Variants in ENKUR observed in about 807,000 individuals in gnomAD.
ENKUR encodes enkurin, TRPC channel interacting protein, also known as enkurin.
A neutral mutation model predicts 27.6 loss-of-function variants in ENKUR; 19 were observed. The observed-to-expected ratio is 0.69, with a 90% CI of 0.48 to 1.01. The LOEUF (loss-of-function observed/expected upper bound fraction) is 1.01, where lower values mean the gene tolerates loss of function less well. ENKUR is among the 50% of genes least tolerant of loss of function. The pLI, the probability that ENKUR is intolerant of heterozygous loss-of-function variation, is 0.00. For synonymous variants in ENKUR, 117 were observed against 96.9 expected (o/e 1.21, Z -1.22); for missense variants, 312 against 310.5 (o/e 1.00, Z -0.04).
rs1849855595 is a variant in ENKUR, at chr10:24,988,718, A to ATATATATG, written c.594+1744_594+1745insCATATATA. 6.1e-4 allele frequency among the ~76,000 whole-genome samples: 29 copies of ATATATATG among 47,706 alleles called. 3 individuals are homozygous for ATATATATG. Among genetic ancestry groups the ATATATATG allele is most frequent in the African/African-American group, 2.8e-3 (28 of 9,918 alleles). The allele number at this position is 47,706 out of a possible 152,430, so 31.3% of individuals were successfully genotyped here. On this transcript the variant is annotated intron_variant, in intron 4 of 5. Coordinates refer to ENST00000331161, the MANE Select transcript of ENKUR (RefSeq NM_145010.4). ...TATATATATATATATATATATATAT[A>ATATATATG]TATATATATTCCTCATTTTAAAAAT... is the stretch of plus-strand genomic sequence containing the variant.
intron 2 of ENKUR, among the ~76,000 whole-genome samples, chr10:25,033,898 G>T (rs1297446241): frequency 6.6e-6 from 1 of 151,124 alleles, no homozygotes; most frequent in Non-Finnish European, 1.5e-5. Context: ...TCTCTATCTG[G>T]ATGTGGACGT....
At chr10:25,000,517 G>A (rs1471711172) in intron 1 of ENKUR, among the ~76,000 whole-genome samples, 2 of 152,044 alleles carry the variant, frequency 1.3e-5, no homozygotes, top group African/African-American at 2.4e-5. Flanking sequence ...TAGCATTTAG[G>A]ATTGTTATAT....
At chr10:25,007,703 G>C (rs1214426980) in intron 1 of ENKUR, among the ~76,000 whole-genome samples, 2 of 152,040 alleles carry the variant, frequency 1.3e-5, no homozygotes, top group African/African-American at 4.8e-5. Flanking sequence ...CAAAGTGCTG[G>C]GATTACAGGC....
At chr10:25,033,877 TTGTC>T (rs375902303) in intron 2 of ENKUR, among the ~76,000 whole-genome samples, 5 of 151,560 alleles carry the variant, frequency 3.3e-5, no homozygotes, top group East Asian at 3.9e-4. Flanking sequence ...CAATCATCTA[TTGTC>T]TGTCTGTCTC....
chr10:25,006,543 G>A (rs574045740), intron 1 of ENKUR, among the ~76,000 whole-genome samples: 4 of 152,234 alleles, frequency 2.6e-5, no homozygotes, highest in South Asian at 4.1e-4. Flanking sequence ...TTAAGCAAAC[G>A]TGCATGATTG....
intron 2 of ENKUR, among the ~76,000 whole-genome samples, chr10:25,050,210 G>C (rs1009873270): frequency 2.6e-5 from 4 of 152,252 alleles, no homozygotes; most frequent in Middle Eastern, 3.4e-3. Context: ...CCACCACTGG[G>C]GATCATATTT....
At chr10:25,016,986 G>A (rs76554366), upstream of ENKUR, among the ~76,000 whole-genome samples, 5 of 152,252 alleles carry the variant, frequency 3.3e-5, no homozygotes, top group South Asian at 2.1e-4. Flanking sequence ...GTGCGCGCAC[G>A]GGGCCCGCGG....
chr10:25,050,456 G>C (rs987493174), intron 2 of ENKUR, among the ~76,000 whole-genome samples: 28 of 152,312 alleles, frequency 1.8e-4, no homozygotes, highest in African/African-American at 6.3e-4. Flanking sequence ...GCAGGCAAGA[G>C]AGCATGTGCA....
intron 2 of ENKUR, among the ~76,000 whole-genome samples, chr10:25,039,709 C>T (rs1851040980): frequency 6.6e-6 from 1 of 152,178 alleles, no homozygotes; most frequent in South Asian, 2.1e-4. Flanking sequence ...TGCTGCATGA[C>T]TATCACAAAA....
chr10:25,015,775 TA>T, intron 1 of ENKUR, 84 bp downstream of exon 1: 1 of 1,225,910 alleles, frequency 8.2e-7, no homozygotes, highest in Non-Finnish European at 1.1e-6. Context: ...TATTTATTAT[TA>T]AAAATTCCAG....
At chr10:25,045,245 CT>C (rs1246155686) in intron 2 of ENKUR, among the ~76,000 whole-genome samples, 3 of 152,104 alleles carry the variant, frequency 2.0e-5, no homozygotes, top group Non-Finnish European at 4.4e-5. Context: ...TTATCTGAAG[CT>C]GGTAGAATGG....
upstream of ENKUR, among the ~76,000 whole-genome samples, chr10:25,018,538 A>G (rs551222558): frequency 2.5e-4 from 38 of 152,346 alleles, no homozygotes; most frequent in African/African-American, 8.9e-4. Flanking sequence ...TTGTGCTTCA[A>G]AGAAACTTGA....
intron 2 of ENKUR, among the ~76,000 whole-genome samples, chr10:25,027,519 CAA>C (rs1213848417): frequency 6.4e-5 from 8 of 124,432 alleles, no homozygotes; most frequent in African/African-American, 1.3e-4. Flanking sequence ...GCCTGGGCAA[CAA>C]GAGCAAAACT....
intron 1 of ENKUR, among the ~76,000 whole-genome samples, chr10:24,999,978 TTTA>T (rs2132696639): frequency 6.6e-6 from 1 of 152,224 alleles, no homozygotes; most frequent in South Asian, 2.1e-4. Flanking sequence ...TGTGCTTATC[TTTA>T]TTATTTCTTC....
At chr10:24,997,547 T>C (rs1450665807) in intron 2 of ENKUR, among the ~76,000 whole-genome samples, 2 of 151,652 alleles carry the variant, frequency 1.3e-5, no homozygotes, top group African/African-American at 4.8e-5. Flanking sequence ...TCAGCACACC[T>C]AGCTAATTAA....
chr10:25,031,201 A>C (rs1006072970), intron 2 of ENKUR, among the ~76,000 whole-genome samples: 1 of 152,224 alleles, frequency 6.6e-6, no homozygotes, highest in Admixed American at 6.5e-5. Context: ...CACATCAACA[A>C]ATGAAATCCA....
intron 3 of ENKUR, among the ~76,000 whole-genome samples, chr10:24,994,632 A>T (rs1850003519): frequency 6.6e-6 from 1 of 152,140 alleles, no homozygotes; most frequent in African/African-American, 2.4e-5. Flanking sequence ...CCCAGCCTGC[A>T]TTCATATTTT....
upstream of ENKUR, among the ~76,000 whole-genome samples, chr10:25,017,155 G>T (rs1327464383): frequency 1.3e-5 from 2 of 152,230 alleles, no homozygotes; most frequent in Admixed American, 6.5e-5. Flanking sequence ...TAAATGAGCA[G>T]CCTAAACTAA....
At chr10:24,987,665 C>A (rs1564334223) in intron 4 of ENKUR, among the ~76,000 whole-genome samples, 1 of 152,054 alleles carries the variant, frequency 6.6e-6, no homozygotes, top group Non-Finnish European at 1.5e-5. Context: ...CTGCTGGAGC[C>A]CTGACTGAAG....
Sources: allele counts gnomAD v4.1 joint callset (sites outside exome capture counted in the v4.1 genomes callset), GRCh38; gene constraint gnomAD v4.1.1; transcripts MANE v1.5; gene names NCBI Gene and HGNC (gene_info 2026-07-23, HGNC 2026-07-21).